The following ROBO2 variants were observed in gnomAD, a reference collection of about 807,000 sequenced individuals.
The protein encoded by ROBO2 is roundabout homolog 2.
A neutral mutation model predicts 160.8 loss-of-function variants in ROBO2; 53 were observed. That is an observed-to-expected ratio of 0.33 (90% CI 0.26 to 0.41). The LOEUF is 0.41. Ranked by LOEUF, ROBO2 falls within the 10% of genes least tolerant of loss-of-function variation. ROBO2 has a pLI of 1.00. For missense variants in ROBO2, 1,577 were observed against 1,722.4 expected (o/e 0.92, Z 1.49); for synonymous variants, 664 against 611.7 (o/e 1.09, Z -1.26).
intron 2 of ROBO2, among the ~76,000 whole-genome samples, chr3:76,864,843 G>A (rs1385108554): frequency 1.3e-5 from 2 of 152,064 alleles, no homozygotes; most frequent in Non-Finnish European, 2.9e-5. Context: ...AGCTGTAAAA[G>A]TTAGCTAAAT....
At chr3:76,967,044 T>C (rs1290181145) in intron 2 of ROBO2, among the ~76,000 whole-genome samples, 1 of 152,152 alleles carries the variant, frequency 6.6e-6, no homozygotes, top group Non-Finnish European at 1.5e-5. Flanking sequence ...TCGCTGGGCA[T>C]ATTGTATACA....
chr3:77,227,144 G>A (rs536848057), intron 2 of ROBO2, among the ~76,000 whole-genome samples: 2 of 151,184 alleles, frequency 1.3e-5, no homozygotes, highest in South Asian at 4.2e-4. Flanking sequence ...TCTTTTTTTT[G>A]TAGTGCACAA....
rs368021566 is a variant in ROBO2 at position 76,752,336 on chromosome 3, T to C, written c.110-345678T>C. Among the ~76,000 whole-genome samples the C allele has an allele frequency of 6.4e-3, 975 of 151,524 alleles. 6 individuals carry two copies. The highest frequency in any genetic ancestry group is 0.024 in the Middle Eastern group (7 of 294). On this transcript the variant is annotated intron_variant, in intron 2 of 26. Transcript: ENST00000487694. Reference sequence around the variant, plus strand: ...ATAGCATTAGGAGATATACCTAATGTTAAATGACGAGTTAGTGGGTGCAGC... The same window carrying C: ...ATAGCATTAGGAGATATACCTAATGCTAAATGACGAGTTAGTGGGTGCAGC...
intron 2 of ROBO2, among the ~76,000 whole-genome samples, chr3:77,392,352 G>T (rs373815967): frequency 6.6e-6 from 1 of 152,090 alleles, no homozygotes; most frequent in Non-Finnish European, 1.5e-5. Flanking sequence ...ATTTAGTTAC[G>T]GGTGACAGGA....
intron 2 of ROBO2, among the ~76,000 whole-genome samples, chr3:76,851,741 CAAAAA>C (rs71104629): frequency 0.16 from 10,237 of 62,938 alleles, 403 homozygotes; most frequent in South Asian, 0.24. Flanking sequence ...GACTCCGTCT[CAAAAA>C]AAAAAAAAAA....
intron 2 of ROBO2, among the ~76,000 whole-genome samples, chr3:76,671,243 A>T (rs1367535961): frequency 1.3e-5 from 2 of 152,164 alleles, no homozygotes; most frequent in African/African-American, 4.8e-5. Flanking sequence ...ATTATATTAG[A>T]CATATATTCA....
At chr3:77,173,390 T>C (rs578046446) in intron 2 of ROBO2, among the ~76,000 whole-genome samples, 72 of 152,202 alleles carry the variant, frequency 4.7e-4, no homozygotes, top group African/African-American at 1.7e-3. Flanking sequence ...AAAAAAACAA[T>C]TTAGCAAGTA....
chr3:76,799,259 C>T (rs2064016768), intron 2 of ROBO2, among the ~76,000 whole-genome samples: 1 of 151,820 alleles, frequency 6.6e-6, no homozygotes, highest in Non-Finnish European at 1.5e-5. Context: ...ATAACAGACT[C>T]ATAGCTGGTA....
chr3:76,292,417 A>G (rs1214849462), intron 2 of ROBO2, among the ~76,000 whole-genome samples: 1 of 152,204 alleles, frequency 6.6e-6, no homozygotes, highest in Non-Finnish European at 1.5e-5. Context: ...GTAAGTGTTC[A>G]TTGGCGTCTA....
chr3:77,377,814 C>G (rs2153482952), intron 2 of ROBO2, among the ~76,000 whole-genome samples: 1 of 152,326 alleles, frequency 6.6e-6, no homozygotes, highest in South Asian at 2.1e-4. Flanking sequence ...TTAACCCTTT[C>G]CCATTAGATT....
Position 76,635,163 on chromosome 3 carries a change from A to G in ROBO2, c.110-462851A>G, listed in dbSNP as rs959863453. On this transcript the variant is annotated intron_variant, in intron 2 of 26. Transcript: ENST00000487694. The stretch of plus-strand genomic sequence containing the variant: ...GTTCTTACTTGGGTTTTGCTGCCGT[A>G]TGACTTAGACTAAGTCATTTCCTCT... Among the ~76,000 whole-genome samples the G allele has an allele frequency of 2.0e-5, 3 of 152,180 alleles. No homozygotes were observed. The East Asian group carries it at 5.8e-4, about 29-fold the overall frequency.
chr3:77,263,159 T>C (rs1021988498), intron 2 of ROBO2, among the ~76,000 whole-genome samples: 10 of 152,146 alleles, frequency 6.6e-5, no homozygotes, highest in African/African-American at 2.2e-4. Flanking sequence ...ACTATGGTGG[T>C]AGAAAAAAAG....
chr3:77,033,320 G>A (rs1267738587), intron 2 of ROBO2, among the ~76,000 whole-genome samples: 4 of 152,162 alleles, frequency 2.6e-5, no homozygotes. Flanking sequence ...TTTTCCTGAT[G>A]ACAAGTGAAT....
At chr3:76,420,440 A>T (rs1577075268) in intron 2 of ROBO2, among the ~76,000 whole-genome samples, 1 of 152,326 alleles carries the variant, frequency 6.6e-6, no homozygotes, top group Non-Finnish European at 1.5e-5. Flanking sequence ...GCCGGCATTG[A>T]TCTACTTCTG....
chr3:77,175,530 C>G (rs900766315), intron 2 of ROBO2, among the ~76,000 whole-genome samples: 5 of 151,870 alleles, frequency 3.3e-5, no homozygotes, highest in African/African-American at 1.2e-4. Context: ...TACGTGTTAG[C>G]AACAGTGGAC....
intron 2 of ROBO2, among the ~76,000 whole-genome samples, chr3:77,277,674 G>A (rs2059979517): frequency 6.6e-6 from 1 of 152,144 alleles, no homozygotes; most frequent in South Asian, 2.1e-4. Flanking sequence ...TGGTGTATAT[G>A]TACCACATTT....
intron 2 of ROBO2, among the ~76,000 whole-genome samples, chr3:76,990,551 C>G (rs1278478695): frequency 2.0e-5 from 3 of 152,306 alleles, no homozygotes; most frequent in Non-Finnish European, 4.4e-5. Flanking sequence ...GATAGCTAGT[C>G]AGACATGAGC....
intron 2 of ROBO2, among the ~76,000 whole-genome samples, chr3:76,520,604 C>T (rs1222883390): frequency 6.6e-6 from 1 of 152,158 alleles, no homozygotes; most frequent in Non-Finnish European, 1.5e-5. Flanking sequence ...CTGTAAGAAA[C>T]TCAGGTCCAA....
intron 6 of ROBO2, among the ~76,000 whole-genome samples, chr3:77,524,348 C>T (rs1289776777): frequency 6.6e-6 from 1 of 151,124 alleles, no homozygotes; most frequent in Non-Finnish European, 1.5e-5. Context: ...AATGAACACA[C>T]TTTATTTAAC....
Sources: allele counts gnomAD v4.1 joint callset (sites outside exome capture counted in the v4.1 genomes callset), GRCh38; gene constraint gnomAD v4.1.1; transcripts MANE v1.5; gene names NCBI Gene and HGNC (gene_info 2026-07-23, HGNC 2026-07-21).